Variants in GDPD4 observed in about 807,000 individuals in gnomAD.
GDPD4 encodes glycerophosphodiester phosphodiesterase 6.
Under a neutral mutation model 67.8 loss-of-function variants are expected in GDPD4, and 60 were observed. The observed-to-expected ratio is 0.88, with a 90% confidence interval of 0.72 to 1.10. The LOEUF is 1.10. Ranked by LOEUF, GDPD4 falls within the 50% of genes least tolerant of loss-of-function variation. The probability of loss-of-function intolerance (pLI) is 0.00; values close to 1 mark genes in which losing one functional copy is unlikely to be tolerated. For missense variants in GDPD4, 623 were observed against 613.9 expected (o/e 1.01, Z -0.16); for synonymous variants, 212 against 210.9 (o/e 1.00, Z -0.04).
At chr11:77,220,905 G>A (rs1284388562) in intron 16 of GDPD4, among the ~76,000 whole-genome samples, 1 of 152,168 alleles carries the variant, frequency 6.6e-6, no homozygotes, top group African/African-American at 2.4e-5. Context: ...TCTATTCAGG[G>A]ATTCAACTTC....
chr11:77,254,697 G>A (rs1221271407), intron 11 of GDPD4, among the ~76,000 whole-genome samples: 1 of 152,094 alleles, frequency 6.6e-6, no homozygotes, highest in Admixed American at 6.5e-5. Context: ...GGAAGTGTTG[G>A]TTGGGCTAAA....
At chr11:77,260,086 G>C (rs931772551) in intron 10 of GDPD4, among the ~76,000 whole-genome samples, 2 of 151,990 alleles carry the variant, frequency 1.3e-5, no homozygotes, top group Non-Finnish European at 2.9e-5. Flanking sequence ...TTTGGTGGGC[G>C]GATCATGAGG....
chr11:77,272,655 A>C (rs1332533342), intron 5 of GDPD4, among the ~76,000 whole-genome samples: 1 of 152,112 alleles, frequency 6.6e-6, no homozygotes. Context: ...ACACAACTGT[A>C]GTTCCAGCTA....
chr11:77,297,241 A>G (rs1255325302), intron 1 of GDPD4, among the ~76,000 whole-genome samples: 1 of 151,722 alleles, frequency 6.6e-6, no homozygotes. Flanking sequence ...TAAATAGTTC[A>G]TAATTTAAAA....
chr11:77,271,090 A>G (rs1005000716), intron 7 of GDPD4, 40 bp downstream of exon 7: 1 of 1,392,196 alleles, frequency 7.2e-7, no homozygotes, highest in African/African-American at 1.4e-5. Flanking sequence ...CTAAAGCCAG[A>G]GCTGAAGAAA....
chr11:77,248,882 C>T lies in GDPD4; in HGVS notation c.865-3380G>A, dbSNP rs1018969730. Among the ~76,000 whole-genome samples the T allele has an allele frequency of 2.4e-5, 3 of 127,254 alleles. No homozygotes were observed. The South Asian group carries it at 9.0e-4, about 38-fold the overall frequency. 83.5% of individuals were successfully genotyped at this position (127,254 alleles called of 152,430 possible). A position where few individuals can be genotyped will look rare whatever the true frequency, so the allele number is the denominator to read the frequency against. On this transcript the variant is annotated intron_variant, in intron 11 of 16. Transcript: ENST00000315938. Reference sequence around the variant, plus strand: ...GATTACAGGCACCCACCAACATGCCCGGCTAATTTTTTTTTTTTTTTTTTT... The same window carrying T: ...GATTACAGGCACCCACCAACATGCCTGGCTAATTTTTTTTTTTTTTTTTTT...
intron 1 of GDPD4, among the ~76,000 whole-genome samples, chr11:77,296,854 T>TC (rs1216989413): frequency 6.6e-6 from 1 of 150,534 alleles, no homozygotes; most frequent in Non-Finnish European, 1.5e-5. Flanking sequence ...GGTCAGGAGT[T>TC]CGAGACCAGC....
intron 11 of GDPD4, among the ~76,000 whole-genome samples, chr11:77,246,248 T>C (rs911088215): frequency 5.9e-5 from 9 of 152,176 alleles, no homozygotes; most frequent in African/African-American, 1.9e-4. Flanking sequence ...GATTGTGCCA[T>C]TGCACTACAG....
At chr11:77,293,034 G>A (rs12292357) in intron 1 of GDPD4, among the ~76,000 whole-genome samples, 8,206 of 151,944 alleles carry the variant, frequency 0.054, 781 homozygotes, top group African/African-American at 0.19. Flanking sequence ...AACAACAACG[G>A]GTTCACTGGT....
chr11:77,263,494 A>T (rs1463574641), intron 10 of GDPD4, among the ~76,000 whole-genome samples: 2 of 152,210 alleles, frequency 1.3e-5, no homozygotes, highest in African/African-American at 2.4e-5. Flanking sequence ...AGTTCTAAAA[A>T]ATGCTCCATT....
chr11:77,248,817 G>A (rs1958831883), intron 11 of GDPD4, among the ~76,000 whole-genome samples: 1 of 150,712 alleles, frequency 6.6e-6, no homozygotes, highest in Non-Finnish European at 1.5e-5. Flanking sequence ...CACCTCCCAG[G>A]TTCAAGCAAT....
At chr11:77,275,325 AGAT>A (rs1959409925) in intron 5 of GDPD4, among the ~76,000 whole-genome samples, 1 of 152,244 alleles carries the variant, frequency 6.6e-6, no homozygotes, top group Non-Finnish European at 1.5e-5. Context: ...GCATGCCTGC[AGAT>A]GGTGGGGCAA....
rs932876048 is a variant in GDPD4, at chr11:77,229,168, G to C, written c.1454C>G (p.Ala485Gly). 3.8e-6 allele frequency: 6 copies of C among 1,595,192 alleles called. No individual in the cohort carries two copies. Among genetic ancestry groups the C allele is most frequent in the Non-Finnish European group, 5.1e-6 (6 of 1,166,296 alleles). Residue 485 changes from alanine (A) to glycine (G), a missense_variant, in exon 15 of 17, where the codon GCC (alanine) becomes GGC (glycine). Transcript: ENST00000315938. ...ADIISVLFIV[A>G]IFCFHWRRET... ...TACTTACCAGTGAAAACAAAATATG[G>C]CAACAATAAAAAGCACAGAAATGAT... is the stretch of plus-strand genomic sequence containing the variant.
At chr11:77,247,412 A>C (rs1175739299) in intron 11 of GDPD4, among the ~76,000 whole-genome samples, 1 of 152,258 alleles carries the variant, frequency 6.6e-6, no homozygotes, top group East Asian at 1.9e-4. Flanking sequence ...GTAAATATTT[A>C]ATCAATATAA....
At chr11:77,229,854 C>T (rs1958421978) in intron 14 of GDPD4, among the ~76,000 whole-genome samples, 1 of 152,138 alleles carries the variant, frequency 6.6e-6, no homozygotes, top group Admixed American at 6.5e-5. Context: ...TCATCTATTT[C>T]CCAGAGCTCT....
intron 16 of GDPD4, among the ~76,000 whole-genome samples, chr11:77,222,191 T>A (rs1958240444): frequency 6.6e-6 from 1 of 152,242 alleles, no homozygotes. Flanking sequence ...CCAGTCTGTG[T>A]CTTTTAATTG....
In GDPD4 at chr11:77,269,920, T is replaced by A; in HGVS notation, c.441A>T (p.Lys147Asn). 3 of 1,591,674 alleles carry A rather than the reference T, an allele frequency of 1.9e-6. No homozygotes were observed. The highest frequency in any genetic ancestry group is 2.6e-6 in the Non-Finnish European group (3 of 1,161,276). Residue 147 changes from lysine to asparagine, a missense_variant, in exon 8 of 17, where the codon AAA (lysine) becomes AAT (asparagine). By Grantham distance (94) the Lys-to-Asn change is moderately conservative. Transcript: ENST00000315938. ...RRYRMTHSEK[K>N]RLKQCNVITR... ...TGATTACATTACATTGCTTGAGTCT[T>A]TTTTTCTCAGAATGTGTCATCCTGT...
At chr11:77,262,017 A>C (rs551924215) in intron 10 of GDPD4, among the ~76,000 whole-genome samples, 36 of 152,340 alleles carry the variant, frequency 2.4e-4, no homozygotes, top group African/African-American at 8.7e-4. Context: ...CAAATAAGCT[A>C]AATAGTTATG....
chr11:77,276,058 A>G, intron 5 of GDPD4, 103 bp downstream of exon 5: 1 of 752,266 alleles, frequency 1.3e-6, no homozygotes, highest in Non-Finnish European at 2.4e-6. Context: ...AGTAACAGAG[A>G]GGGTAACCCC....
Sources: allele counts gnomAD v4.1 joint callset (sites outside exome capture counted in the v4.1 genomes callset), GRCh38; gene constraint gnomAD v4.1.1; transcripts MANE v1.5; gene names NCBI Gene and HGNC (gene_info 2026-07-23, HGNC 2026-07-21).